The following PARD3B variants were observed in gnomAD, a reference collection of about 807,000 sequenced individuals.
PARD3B encodes the protein par-3 family cell polarity regulator beta.
A neutral mutation model predicts 130.2 loss-of-function variants in PARD3B; 103 were observed. The observed-to-expected ratio is 0.79, with a 90% confidence interval of 0.67 to 0.93. The LOEUF (loss-of-function observed/expected upper bound fraction) is 0.93, where lower values mean the gene tolerates loss of function less well. PARD3B is among the 40% of genes least tolerant of loss of function. The pLI, the probability that PARD3B is intolerant of heterozygous loss-of-function variation, is 0.00. For missense variants in PARD3B, 1,609 were observed against 1,499.2 expected (o/e 1.07, Z -1.21); for synonymous variants, 583 against 553.2 (o/e 1.05, Z -0.76).
chr2:205,448,474 A>T (rs913331164), intron 20 of PARD3B, among the ~76,000 whole-genome samples: 4 of 152,238 alleles, frequency 2.6e-5, no homozygotes, highest in African/African-American at 9.6e-5. Context: ...CTTTATTGGT[A>T]CAATAACTTT....
chr2:205,174,168 T>G (rs1186845500), intron 12 of PARD3B, among the ~76,000 whole-genome samples: 1 of 152,220 alleles, frequency 6.6e-6, no homozygotes, highest in African/African-American at 2.4e-5. Context: ...GCAGGTATTT[T>G]CATTTTAATT....
intron 1 of PARD3B, 112 bp downstream of exon 1, chr2:204,546,231 C>T: frequency 7.1e-7 from 1 of 1,412,610 alleles, no homozygotes; most frequent in Admixed American, 2.1e-5. Context: ...TGGGGCACTG[C>T]CTGTAGCTGC....
chr2:205,604,013 C>T (rs377088501), intron 22 of PARD3B, among the ~76,000 whole-genome samples: 9 of 152,150 alleles, frequency 5.9e-5, no homozygotes, highest in African/African-American at 1.9e-4. Context: ...TTTAGTGCTT[C>T]CTTCAGGAGC....
chr2:205,596,037 G>C (rs868186387), intron 22 of PARD3B, among the ~76,000 whole-genome samples: 3 of 152,126 alleles, frequency 2.0e-5, no homozygotes, highest in Non-Finnish European at 4.4e-5. Context: ...AGCATCAAAG[G>C]CAAGTATGGA....
chr2:205,331,793 A>AAAAAAAAAC (rs2043143289), intron 18 of PARD3B, among the ~76,000 whole-genome samples: 1 of 148,714 alleles, frequency 6.7e-6, no homozygotes, highest in Non-Finnish European at 1.5e-5. Flanking sequence ...AAAAAAAAAA[A>AAAAAAAAAC]AAAAAAAAAA....
chr2:205,417,254 T>C (rs1383355855), intron 19 of PARD3B, among the ~76,000 whole-genome samples: 1 of 152,116 alleles, frequency 6.6e-6, no homozygotes, highest in Admixed American at 6.5e-5. Flanking sequence ...GTAAAGGACA[T>C]GAACTCACCC....
Position 205,251,220 on chromosome 2 carries a change from A to G in PARD3B, c.2185+5398A>G, listed in dbSNP as rs531733429. On this transcript the variant is annotated intron_variant, in intron 16 of 22. Coordinates refer to ENST00000406610, the MANE Select transcript of PARD3B (RefSeq NM_001302769.2). ...TTCCTTGAGTATGAGAGGGACATCT[A>G]ATCTGATCGTTCTTGCCTTTGTTTC... Among the ~76,000 whole-genome samples the G allele has an allele frequency of 3.3e-5, 5 of 152,202 alleles. No individual in the cohort carries two copies. The East Asian group carries it at 9.7e-4, about 29-fold the overall frequency.
intron 2 of PARD3B, among the ~76,000 whole-genome samples, chr2:204,817,112 T>A (rs547723030): frequency 6.6e-6 from 1 of 152,254 alleles, no homozygotes; most frequent in South Asian, 2.1e-4. Flanking sequence ...TTTGAGTTTT[T>A]GAACTTACAG....
intron 2 of PARD3B, among the ~76,000 whole-genome samples, chr2:204,962,820 C>T (rs991930075): frequency 7.9e-5 from 12 of 152,104 alleles, no homozygotes; most frequent in African/African-American, 2.9e-4. Context: ...TCCTCTTCTT[C>T]CCAGGAGTAC....
chr2:204,546,315 T>A, intron 1 of PARD3B, 196 bp downstream of exon 1: 2 of 751,544 alleles, frequency 2.7e-6, no homozygotes, highest in Non-Finnish European at 4.2e-6. Flanking sequence ...CCGAGGGTCG[T>A]GAGTGGACCT....
chr2:204,581,652 T>C (rs2032564705), intron 1 of PARD3B, among the ~76,000 whole-genome samples: 1 of 152,184 alleles, frequency 6.6e-6, no homozygotes. Context: ...TGACCATATA[T>C]ACCATACCAG....
At chr2:204,988,534 T>C (rs1349764657) in intron 3 of PARD3B, among the ~76,000 whole-genome samples, 1 of 152,216 alleles carries the variant, frequency 6.6e-6, no homozygotes, top group East Asian at 1.9e-4. Context: ...AGGGGGTGGA[T>C]ACCCCATTCT....
At chr2:205,451,392 G>A (rs1163573171) in intron 20 of PARD3B, among the ~76,000 whole-genome samples, 1 of 152,170 alleles carries the variant, frequency 6.6e-6, no homozygotes, top group African/African-American at 2.4e-5. Flanking sequence ...CAACTTTCCA[G>A]TAAACAAAGT....
Position 204,843,604 on chromosome 2 carries a change from G to A in PARD3B, c.223-121548G>A, listed in dbSNP as rs189676842. 2.6e-4 allele frequency among the ~76,000 whole-genome samples: 39 copies of A among 151,940 alleles called. 1 individual carries two copies. Among genetic ancestry groups the A allele is most frequent in the African/African-American group, 7.5e-4 (31 of 41,334 alleles). On this transcript the variant is annotated intron_variant, in intron 2 of 22. Transcript: ENST00000406610. ...GAGGTTTCGCCATGTTAGCCAGGCC[G>A]GTCTCAAACTGCTGACCTCCTCAGC...
chr2:204,948,360 G>A (rs1246453907), intron 2 of PARD3B, among the ~76,000 whole-genome samples: 1 of 152,162 alleles, frequency 6.6e-6, no homozygotes, highest in Admixed American at 6.5e-5. Context: ...AATAAATAAT[G>A]TTTTCTCCCC....
chr2:204,646,202 G>T (rs982730572), intron 1 of PARD3B, among the ~76,000 whole-genome samples: 1 of 152,082 alleles, frequency 6.6e-6, no homozygotes, highest in Non-Finnish European at 1.5e-5. Flanking sequence ...CCCTGGTGAA[G>T]AAATGGAATG....
intron 22 of PARD3B, among the ~76,000 whole-genome samples, chr2:205,576,318 CTTTT>C (rs200866403): frequency 7.4e-6 from 1 of 134,650 alleles, no homozygotes; most frequent in African/African-American, 2.7e-5. Flanking sequence ...CAATTGGTGG[CTTTT>C]TTTTTTTTCA....
rs1470646946 is a variant in PARD3B at position 205,300,052 on chromosome 2, G to A, written c.2186-478G>A. On this transcript the variant is annotated intron_variant, in intron 16 of 22. Transcript: ENST00000406610. The surrounding 1 kb of genome is among the most constrained non-coding windows in gnomAD (Gnocchi z 4.1). Reference sequence around the variant, plus strand: ...ATGAGCAACCATGGCAATGATAAAAGCTGTCAGGTGTGGGAGTGCTAGGAC... The same window carrying A: ...ATGAGCAACCATGGCAATGATAAAAACTGTCAGGTGTGGGAGTGCTAGGAC... Among the ~76,000 whole-genome samples, 1 of 152,162 alleles carries A rather than the reference G, an allele frequency of 6.6e-6. No individual in the cohort carries two copies. Among genetic ancestry groups the A allele is most frequent in the East Asian group, 1.9e-4 (1 of 5,176 alleles).
At chr2:205,576,081 G>A (rs1400703572) in intron 22 of PARD3B, among the ~76,000 whole-genome samples, 5 of 152,066 alleles carry the variant, frequency 3.3e-5, no homozygotes, top group Non-Finnish European at 7.4e-5. Flanking sequence ...TAGGTATGTA[G>A]TAGTATTTCA....
Sources: allele counts gnomAD v4.1 joint callset (sites outside exome capture counted in the v4.1 genomes callset), GRCh38; gene constraint gnomAD v4.1.1; non-coding constraint Gnocchi (gnomAD v3.1); transcripts MANE v1.5; gene names NCBI Gene and HGNC (gene_info 2026-07-23, HGNC 2026-07-21).